The following FUT9 variants were observed in gnomAD, a reference collection of about 807,000 sequenced individuals.
The protein encoded by FUT9 is fucosyltransferase 9, also known as 4-galactosyl-N-acetylglucosaminide 3-alpha-L-fucosyltransferase 9.
FUT9 carries 15 observed loss-of-function variants against 29.7 expected under a neutral mutation model. The observed-to-expected ratio is 0.51, with a 90% CI of 0.34 to 0.78. The LOEUF is 0.78. FUT9 is among the 30% of genes least tolerant of loss of function. FUT9 has a pLI of 0.01. For missense variants in FUT9, 319 were observed against 425.4 expected (o/e 0.75, Z 2.20); for synonymous variants, 169 against 153.7 (o/e 1.10, Z -0.74).
In FUT9 at chr6:96,203,847, T is replaced by C. The variant is rs1304375161; in HGVS notation, c.692T>C (p.Leu231Ser). 1.2e-6 allele frequency: 2 copies of C among 1,611,502 alleles called. No homozygotes were observed. Among genetic ancestry groups the C allele is most frequent in the African/African-American group, 1.3e-5 (1 of 75,022 alleles). The change falls in exon 3 of 3, where the codon TTG (leucine) becomes TCG (serine). Residue 231 changes from leucine (L) to serine (S), a missense_variant. Transcript: ENST00000302103. ...GGAGAATATGTCAATGATAAAAATTTGATTCCTACCATATCTACTTGTAAA... is the reference window on the plus strand; with the variant it reads ...GGAGAATATGTCAATGATAAAAATTCGATTCCTACCATATCTACTTGTAAA... ...AFGEYVNDKN[L>S]IPTISTCKFY...
rs1056869019 is a variant in FUT9, at chr6:96,161,454, T to C, written c.-8-41694T>C. The stretch of plus-strand genomic sequence containing the variant: ...TGTTTATGAGCCACACAGTTTATTA[T>C]ATGTTGTTGTAACAGCCTGACTGAA... On this transcript the variant is annotated intron_variant, in intron 2 of 2. Transcript: ENST00000302103. Among the ~76,000 whole-genome samples, 4 of 152,200 alleles carry C rather than the reference T, an allele frequency of 2.6e-5. No individual in the cohort carries two copies. In the East Asian group the frequency reaches 7.7e-4, roughly 29 times the overall value.
rs940890641 is a variant in FUT9, at chr6:96,210,326, G to A, written c.*6091G>A. 1.2e-5 allele frequency: 2 copies of A among 166,804 alleles called. No homozygotes were observed. The highest frequency in any genetic ancestry group is 4.8e-5 in the African/African-American group (2 of 41,376). The allele number at this position is 166,804 out of a possible 1,614,324, so 10.3% of individuals were successfully genotyped here. ...GGAACTCACCAGTCTTGTGACTTGG[G>A]GCAGGTTATTTATAGTCTCCAGACA... On this transcript the variant is annotated 3_prime_UTR_variant, in exon 3 of 3. Transcript: ENST00000302103.
At chr6:96,062,548 G>T (rs569913355) in intron 1 of FUT9, among the ~76,000 whole-genome samples, 1 of 151,920 alleles carries the variant, frequency 6.6e-6, no homozygotes, top group South Asian at 2.1e-4. Context: ...TTTTCCCCAT[G>T]CATGTGTATC....
intron 1 of FUT9, among the ~76,000 whole-genome samples, chr6:96,023,211 G>T (rs773648523): frequency 6.6e-6 from 1 of 152,004 alleles, no homozygotes; most frequent in Admixed American, 6.6e-5. Flanking sequence ...TGGGGATGAA[G>T]AGACAGCAGT....
At chr6:96,093,888 A>C (rs931946681) in intron 1 of FUT9, among the ~76,000 whole-genome samples, 2 of 152,166 alleles carry the variant, frequency 1.3e-5, no homozygotes, top group East Asian at 3.9e-4. Context: ...TCCCCAGGTT[A>C]TACAGCAGCA....
At chr6:96,169,234 C>T (rs567169837) in intron 2 of FUT9, among the ~76,000 whole-genome samples, 3 of 152,222 alleles carry the variant, frequency 2.0e-5, no homozygotes, top group Non-Finnish European at 2.9e-5. Flanking sequence ...GAAGCAAATA[C>T]GCTGATATTA....
intron 1 of FUT9, among the ~76,000 whole-genome samples, chr6:96,081,798 A>G (rs1014708537): frequency 2.0e-5 from 3 of 151,914 alleles, no homozygotes; most frequent in Non-Finnish European, 2.9e-5. Context: ...ATAGTTGAAC[A>G]TTACACTTTC....
chr6:96,063,266 G>A (rs974593477), intron 1 of FUT9, among the ~76,000 whole-genome samples: 3 of 152,110 alleles, frequency 2.0e-5, no homozygotes, highest in Admixed American at 6.5e-5. Context: ...TAAGAAAATA[G>A]GTTTAATTGG....
intron 1 of FUT9, among the ~76,000 whole-genome samples, chr6:96,088,034 T>A (rs1771348248): frequency 6.6e-6 from 1 of 152,224 alleles, no homozygotes; most frequent in Non-Finnish European, 1.5e-5. Flanking sequence ...TGCTGTCGTT[T>A]GGCTTCCATT....
At chr6:96,174,593 G>C (rs1052680578) in intron 2 of FUT9, among the ~76,000 whole-genome samples, 9 of 151,870 alleles carry the variant, frequency 5.9e-5, no homozygotes, top group Non-Finnish European at 1.2e-4. Context: ...TAGACACAGG[G>C]GTCTCTAAAT....
chr6:96,115,871 G>A (rs1429864949), intron 2 of FUT9, among the ~76,000 whole-genome samples: 3 of 152,028 alleles, frequency 2.0e-5, no homozygotes, highest in Admixed American at 1.3e-4. Context: ...GGAATTTGGG[G>A]GCTTTTTGTT....
At chr6:96,062,647 C>A (rs1381454274) in intron 1 of FUT9, among the ~76,000 whole-genome samples, 2 of 151,952 alleles carry the variant, frequency 1.3e-5, no homozygotes, top group Non-Finnish European at 2.9e-5. Flanking sequence ...GAGAGGAAAA[C>A]CTACATACCT....
At chr6:96,100,230 AACACACACACACACACACACACAC>A (rs36064811) in intron 1 of FUT9, among the ~76,000 whole-genome samples, 6 of 148,898 alleles carry the variant, frequency 4.0e-5, no homozygotes, top group South Asian at 4.2e-4. Context: ...CACACACACC[AACACACACACACACACACACACAC>A]ACACACACAC....
intron 2 of FUT9, among the ~76,000 whole-genome samples, chr6:96,133,435 T>C (rs1772285105): frequency 6.6e-6 from 1 of 151,884 alleles, no homozygotes; most frequent in African/African-American, 2.4e-5. Context: ...AATCAATTGG[T>C]TATTTTTTGA....
At chr6:96,083,533 G>T (rs983316889) in intron 1 of FUT9, among the ~76,000 whole-genome samples, 13 of 152,104 alleles carry the variant, frequency 8.5e-5, no homozygotes, top group Admixed American at 5.2e-4. Context: ...CAATGTTCTA[G>T]CCTCTCTATT....
chr6:96,173,313 G>A (rs1773146547), intron 2 of FUT9, among the ~76,000 whole-genome samples: 1 of 151,936 alleles, frequency 6.6e-6, no homozygotes, highest in African/African-American at 2.4e-5. Context: ...ATATTGTCTT[G>A]TTTACTTTCT....
At chr6:96,192,916 A>G (rs373295003) in intron 2 of FUT9, among the ~76,000 whole-genome samples, 7 of 151,806 alleles carry the variant, frequency 4.6e-5, no homozygotes, top group Non-Finnish European at 8.8e-5. Flanking sequence ...ACAACTATCT[A>G]ATCTTTGACA....
intron 1 of FUT9, among the ~76,000 whole-genome samples, chr6:96,083,211 A>T (rs1771265952): frequency 6.6e-6 from 1 of 152,044 alleles, no homozygotes; most frequent in African/African-American, 2.4e-5. Flanking sequence ...CAAAGTGGGC[A>T]CTTAAAAAAC....
At chr6:96,034,317 G>A (rs563618579) in intron 1 of FUT9, among the ~76,000 whole-genome samples, 1 of 151,552 alleles carries the variant, frequency 6.6e-6, no homozygotes, top group South Asian at 2.1e-4. Context: ...TTGCCTATGA[G>A]GTTATGGTTA....
Sources: allele counts gnomAD v4.1 joint callset (sites outside exome capture counted in the v4.1 genomes callset), GRCh38; gene constraint gnomAD v4.1.1; transcripts MANE v1.5; gene names NCBI Gene and HGNC (gene_info 2026-07-23, HGNC 2026-07-21).